Variants in LRRK2 observed in about 807,000 individuals in gnomAD.
The protein encoded by LRRK2 is leucine rich repeat kinase 2, also known as leucine-rich repeat serine/threonine-protein kinase 2.
In LRRK2, 203 loss-of-function variants were observed where a neutral mutation model predicts 302.6. That is an observed-to-expected ratio of 0.67 (90% CI 0.60 to 0.75). LRRK2 has a LOEUF of 0.75. Among genes scored for constraint, LRRK2 ranks in the 30% least tolerant of loss-of-function variants. The probability of loss-of-function intolerance (pLI) is 0.00; values close to 1 mark genes in which losing one functional copy is unlikely to be tolerated. For synonymous variants in LRRK2, 1,066 were observed against 1,031.9 expected (o/e 1.03, Z -0.63); for missense variants, 2,830 against 2,951.0 (o/e 0.96, Z 0.95).
chr12:40,230,738 A>G (rs1331110288), intron 2 of LRRK2, among the ~76,000 whole-genome samples: 1 of 145,436 alleles, frequency 6.9e-6, no homozygotes, highest in African/African-American at 2.6e-5. Context: ...GAGATCCTTT[A>G]CATTTAGAGA....
intron 16 of LRRK2, among the ~76,000 whole-genome samples, chr12:40,276,866 TC>T (rs1775671243): frequency 6.6e-6 from 1 of 152,156 alleles, no homozygotes; most frequent in Non-Finnish European, 1.5e-5. Flanking sequence ...GGGGTCTCAC[TC>T]TATGGCCCAG....
chr12:40,275,545 A>T (rs1375211998), intron 16 of LRRK2, among the ~76,000 whole-genome samples: 3 of 152,180 alleles, frequency 2.0e-5, no homozygotes. Context: ...GTAGCAAAAC[A>T]AATAGTTTTT....
chr12:40,321,897 T>A (rs531951755), intron 35 of LRRK2, 138 bp from the exon 36 acceptor site: 57 of 759,942 alleles, frequency 7.5e-5, no homozygotes, highest in Non-Finnish European at 1.2e-4. Flanking sequence ...TAGATATGGA[T>A]GAGGACTCAT....
chr12:40,335,240 T>A, intron 40 of LRRK2, 83 bp downstream of exon 40: 1 of 1,369,362 alleles, frequency 7.3e-7, no homozygotes, highest in Non-Finnish European at 1.0e-6. Flanking sequence ...CACTTCCCAG[T>A]AACACTGTGC....
At position 40,252,984 on chromosome 12, in the gene LRRK2, C is replaced by G; in HGVS notation, c.1256C>G (p.Ala419Gly). ...SSSKEVFQAS[A>G]NALSTLLEQN... ...TCAAAGGAAGTTTTCCAGGCATCTG[C>G]GAATGCATTGTCAACTCTCTTAGAA... Residue 419 changes from alanine to glycine, a missense_variant, in exon 11 of 51, where the codon GCG (alanine) becomes GGG (glycine). By Grantham distance (60) the Ala-to-Gly change is moderately conservative. Around this residue, in one of 3 missense-constraint regions of LRRK2, gnomAD observed 2,121 missense variants for 2,148.0 expected, o/e 0.99. Transcript: ENST00000298910. 6.2e-7 allele frequency: 1 copy of G among 1,612,662 alleles called. No homozygotes were observed. The highest frequency in any genetic ancestry group is 1.1e-5 in the South Asian group (1 of 91,062).
At chr12:40,306,289 G>T (rs907805087) in intron 28 of LRRK2, among the ~76,000 whole-genome samples, 1 of 150,732 alleles carries the variant, frequency 6.6e-6, no homozygotes, top group Non-Finnish European at 1.5e-5. Flanking sequence ...AAGAAATACA[G>T]CACAGTATAA....
At chr12:40,347,120 T>A (rs1946211861) in intron 42 of LRRK2, among the ~76,000 whole-genome samples, 197 bp downstream of exon 42, 1 of 152,154 alleles carries the variant, frequency 6.6e-6, no homozygotes, top group Non-Finnish European at 1.5e-5. Context: ...TTTTAAAAAA[T>A]CCGCAATTAA....
intron 12 of LRRK2, among the ~76,000 whole-genome samples, chr12:40,257,899 T>C (rs1467778073): frequency 6.6e-6 from 1 of 151,636 alleles, no homozygotes; most frequent in Non-Finnish European, 1.5e-5. Context: ...TATCCTTTGA[T>C]CTATGTGTGG....
chr12:40,251,162 T>G, intron 8 of LRRK2, 70 bp from the exon 9 acceptor site: 1 of 1,059,412 alleles, frequency 9.4e-7, no homozygotes, highest in Non-Finnish European at 1.4e-6. Flanking sequence ...AAATATGGAC[T>G]TAGAGTTGGT....
At chr12:40,295,057 T>C (rs1944326581) in intron 22 of LRRK2, 143 bp downstream of exon 22, 1 of 603,002 alleles carries the variant, frequency 1.7e-6, no homozygotes, top group Non-Finnish European at 3.0e-6. Flanking sequence ...AATGATTCCT[T>C]CCATAAGCTA....
chr12:40,367,572 C>T, intron 50 of LRRK2, 72 bp from the exon 51 acceptor site: 1 of 1,493,748 alleles, frequency 6.7e-7, no homozygotes, highest in Non-Finnish European at 9.1e-7. Context: ...AATACATGAG[C>T]CAAACTGAAA....
At chr12:40,353,959 CAGAGGGAGACGGTGGAAAGAGAGGG>C (rs1281117917) in intron 44 of LRRK2, among the ~76,000 whole-genome samples, 1 of 152,124 alleles carries the variant, frequency 6.6e-6, no homozygotes, top group East Asian at 1.9e-4. Context: ...GGCTCGGCAT[CAGAGGGAGACGGTGGAAAGAGAGGG>C]AGAGGGAGAC....
In LRRK2 at chr12:40,225,266, C is replaced by T. The variant is rs771491793; in HGVS notation, c.135C>T (p.Phe45=). 2.3e-5 allele frequency: 37 copies of T among 1,613,990 alleles called. No homozygotes were observed. In the South Asian group the frequency reaches 3.4e-4, roughly 15 times the overall value. The stretch of plus-strand genomic sequence containing the variant: ...AAATCCTGGAGGATCTGCTGGTGTT[C>T]ACGTACTCCGAGCGCGGTAATCACT... ...LVQILEDLLV[F]TYSERASKLF... Residue 45 remains phenylalanine (F), a synonymous_variant, in exon 1 of 51, where the codon TTC becomes TTT. Transcript: ENST00000298910.
chr12:40,304,875 T>C (rs1212683441), intron 27 of LRRK2: 6 of 152,238 alleles, frequency 3.9e-5, no homozygotes, highest in African/African-American at 1.2e-4. Flanking sequence ...AAGGATTATA[T>C]GAATATATAC....
At chr12:40,304,968 A>AT (rs1006408248) in intron 27 of LRRK2, 11 of 151,872 alleles carry the variant, frequency 7.2e-5, no homozygotes, top group African/African-American at 2.4e-4. Flanking sequence ...TAAATAAACC[A>AT]TTTTTCTCAA....
chr12:40,262,839 A>G (rs980205681), intron 13 of LRRK2, among the ~76,000 whole-genome samples: 1 of 152,208 alleles, frequency 6.6e-6, no homozygotes, highest in Non-Finnish European at 1.5e-5. Flanking sequence ...GCTCACTGGA[A>G]ATGATACACA....
chr12:40,242,817 AGG>A (rs1941794881), intron 6 of LRRK2, among the ~76,000 whole-genome samples: 4 of 126,114 alleles, frequency 3.2e-5, no homozygotes, highest in East Asian at 2.2e-4. Flanking sequence ...AAAAAAAAAA[AGG>A]TAAGCAATAT....
In LRRK2 at chr12:40,309,205, C is replaced by T. The variant is rs1237835125; in HGVS notation, c.4289C>T (p.Ala1430Val). 1.2e-6 allele frequency: 2 copies of T among 1,613,598 alleles called. No homozygotes were observed. Residue 1430 changes from alanine to valine, a missense_variant, in exon 30 of 51, where the codon GCC (alanine) becomes GTC (valine). Ala to Val is a moderately conservative substitution (Grantham distance 64). Around this residue, in one of 3 missense-constraint regions of LRRK2, gnomAD observed 2,121 missense variants for 2,148.0 expected, o/e 0.99. Transcript: ENST00000298910. ...AGCAAGGGACAGGCTGAAGTTGATGCCATGAAGCCTTGGCTCTTCAATATA... is the reference window on the plus strand; with the variant it reads ...AGCAAGGGACAGGCTGAAGTTGATGTCATGAAGCCTTGGCTCTTCAATATA... The part of the protein sequence containing the change: ...DLSKGQAEVD[A>V]MKPWLFNIKA...
intron 16 of LRRK2, among the ~76,000 whole-genome samples, chr12:40,275,598 T>C (rs187512641): frequency 6.6e-6 from 1 of 152,084 alleles, no homozygotes; most frequent in East Asian, 1.9e-4. Flanking sequence ...GCAACTTTCA[T>C]AAACTACAAA....
Sources: gnomAD v4.1 joint callset for allele counts (sites outside exome capture counted in the v4.1 genomes callset) on GRCh38, gnomAD v4.1.1 for gene constraint, gnomAD v4.1.1 regional missense constraint, MANE v1.5 for transcripts, NCBI Gene and HGNC (gene_info 2026-07-23, HGNC 2026-07-21) for gene names.